RASD2: variants seen among roughly 807,000 people sequenced by gnomAD.
RASD2 encodes GTP-binding protein Rhes.
A neutral mutation model predicts 15.8 loss-of-function variants in RASD2; 7 were observed. The observed-to-expected ratio is 0.44, with a 90% CI of 0.25 to 0.83. The LOEUF (loss-of-function observed/expected upper bound fraction) is 0.83, where lower values mean the gene tolerates loss of function less well. Ranked by LOEUF, RASD2 falls within the 40% of genes least tolerant of loss-of-function variation. The pLI, the probability that RASD2 is intolerant of heterozygous loss-of-function variation, is 0.20. For synonymous variants in RASD2, 155 were observed against 153.6 expected (o/e 1.01, Z -0.07); for missense variants, 274 against 382.8 (o/e 0.72, Z 2.37).
At chr22:35,548,470 C>T (rs565621507) in intron 2 of RASD2, among the ~76,000 whole-genome samples, 3 of 152,208 alleles carry the variant, frequency 2.0e-5, no homozygotes, top group African/African-American at 4.8e-5. Flanking sequence ...TCCCAAGTCA[C>T]GCCCCTGAAG....
rs1159660702 is a variant in RASD2 at position 35,541,426 on chromosome 22, GGCAGCTCCCC to G, written c.-74_-65del. 1 of 152,296 alleles carries G rather than the reference GGCAGCTCCCC, an allele frequency of 6.6e-6. No homozygotes were observed. Among genetic ancestry groups the G allele is most frequent in the African/African-American group, 2.4e-5 (1 of 41,450 alleles). The allele number at this position is 152,296 out of a possible 1,614,324, so 9.4% of individuals were successfully genotyped here. On this transcript the variant is annotated 5_prime_UTR_variant, in exon 1 of 3. Transcript: ENST00000216127. The stretch of plus-strand genomic sequence containing the variant: ...GGGAGGCTCGGCGGCTGGAGCAGCA[GGCAGCTCCCC>G]GCAGCTCCCGGCGCTTCCAGGCAGC...
In RASD2 at chr22:35,541,112, G is replaced by T. The variant is rs1601809550; in HGVS notation, c.-398G>T. The T allele has an allele frequency of 6.6e-6, 1 of 152,140 alleles. No individual in the cohort carries two copies. Among genetic ancestry groups the T allele is most frequent in the Non-Finnish European group, 1.5e-5 (1 of 68,084 alleles). 9.4% of individuals were successfully genotyped at this position (152,140 alleles called of 1,614,324 possible). ...GAGCTGCTCCTTCATCACTGGAGTC[G>T]CCCCTACCTCTCTGCCCCCAGCCCG... On this transcript the variant is annotated 5_prime_UTR_variant, in exon 1 of 3. Coordinates refer to ENST00000216127, the MANE Select transcript of RASD2 (RefSeq NM_014310.4).
upstream of RASD2, among the ~76,000 whole-genome samples, chr22:35,540,486 T>TG (rs988263382): frequency 1.1e-4 from 16 of 149,734 alleles, no homozygotes; most frequent in African/African-American, 1.9e-4. Context: ...GAGCGGGCTC[T>TG]GGGGGGCAGA....
chr22:35,545,519 T>G (rs1384410786), intron 1 of RASD2, among the ~76,000 whole-genome samples: 1 of 152,186 alleles, frequency 6.6e-6, no homozygotes, highest in Non-Finnish European at 1.5e-5. Flanking sequence ...CCTTGTGCAG[T>G]ATCCAACCTG....
chr22:35,552,097 G>A lies in RASD2; in HGVS notation c.*65G>A. ...GGAGGTGGCCCCAGATGCCCACTGT[G>A]CGCATCTCCCCACCGAGGCCCCGGC... On this transcript the variant is annotated 3_prime_UTR_variant, in exon 3 of 3. Transcript: ENST00000216127. 1 of 1,521,476 alleles carries A rather than the reference G, an allele frequency of 6.6e-7. No homozygotes were observed. The highest frequency in any genetic ancestry group is 8.8e-7 in the Non-Finnish European group (1 of 1,133,146). 94.2% of individuals were successfully genotyped at this position (1,521,476 alleles called of 1,614,324 possible).
At chr22:35,542,624 C>T (rs563862190) in intron 1 of RASD2, among the ~76,000 whole-genome samples, 10 of 152,290 alleles carry the variant, frequency 6.6e-5, no homozygotes, top group South Asian at 6.2e-4. Flanking sequence ...TGGCAATGTG[C>T]GTGTCCAAAG....
chr22:35,546,680 G>A (rs538208766), intron 1 of RASD2, 121 bp from the exon 2 acceptor site: 43 of 1,350,180 alleles, frequency 3.2e-5, no homozygotes, highest in South Asian at 2.0e-4. Context: ...TTAGAACCTC[G>A]TCTGATGTTC....
chr22:35,548,669 C>T (rs1258573877), intron 2 of RASD2, among the ~76,000 whole-genome samples: 2 of 152,218 alleles, frequency 1.3e-5, no homozygotes, highest in South Asian at 2.1e-4. Context: ...CTGGCTTTTC[C>T]GAGCATCTGA....
chr22:35,540,295 G>C (rs1156858538), upstream of RASD2, among the ~76,000 whole-genome samples: 2 of 151,574 alleles, frequency 1.3e-5, no homozygotes, highest in Non-Finnish European at 2.9e-5. Context: ...TCCGAGGCCC[G>C]GGCCGCCTTC....
At chr22:35,544,986 C>T (rs1457994625) in intron 1 of RASD2, among the ~76,000 whole-genome samples, 1 of 152,210 alleles carries the variant, frequency 6.6e-6, no homozygotes. Context: ...GCTCAAGTGG[C>T]AGCAGTTGTC....
chr22:35,541,599 A>G (rs1934350194), intron 1 of RASD2, 99 bp downstream of exon 1: 2 of 152,278 alleles, frequency 1.3e-5, no homozygotes, highest in South Asian at 2.1e-4. Flanking sequence ...GATTCCTTAG[A>G]TGACCAGAGA....
At chr22:35,547,434 A>C (rs1177477524) in intron 2 of RASD2, among the ~76,000 whole-genome samples, 1 of 152,200 alleles carries the variant, frequency 6.6e-6, no homozygotes, top group Non-Finnish European at 1.5e-5. Context: ...CCAGGGCCCA[A>C]GGTCAGTCCA....
In RASD2 at chr22:35,551,194, C is replaced by T. The variant is rs1416689992; in HGVS notation, c.272-309C>T. ...CACAGTCCACACAAGTGACCTACCC[C>T]TCTCCAGCCCTGCAAAGAAATGTGA... On this transcript the variant is annotated intron_variant, in intron 2 of 2. Transcript: ENST00000216127. The surrounding 1 kb of genome is among the most constrained non-coding windows in gnomAD (Gnocchi z 4.9). Among the ~76,000 whole-genome samples, 1 of 152,204 alleles carries T rather than the reference C, an allele frequency of 6.6e-6. No individual in the cohort carries two copies. The highest frequency in any genetic ancestry group is 1.9e-4 in the East Asian group (1 of 5,196).
the RASD2 span, among the ~76,000 whole-genome samples, chr22:35,534,579 G>T: frequency 6.6e-6 from 1 of 152,174 alleles, no homozygotes; most frequent in African/African-American, 2.4e-5. Context: ...TCTCCTGGCT[G>T]CCCACTCAGC....
In RASD2 at chr22:35,552,223, TC is replaced by T; in HGVS notation, c.*193del. 1 of 678,264 alleles carries T rather than the reference TC, an allele frequency of 1.5e-6. No homozygotes were observed. Among genetic ancestry groups the T allele is most frequent in the South Asian group, 2.0e-5 (1 of 50,244 alleles). 42.0% of individuals were successfully genotyped at this position (678,264 alleles called of 1,614,324 possible). On this transcript the variant is annotated 3_prime_UTR_variant, in exon 3 of 3. Coordinates refer to ENST00000216127, the MANE Select transcript of RASD2 (RefSeq NM_014310.4). ...CTCACAGCTTTCCTGAGTCCGCTTG[TC>T]CACAGCTCCTTGGTGGTTTCATCTC...
chr22:35,547,871 C>T (rs1934554225), intron 2 of RASD2, among the ~76,000 whole-genome samples: 1 of 152,218 alleles, frequency 6.6e-6, no homozygotes, highest in South Asian at 2.1e-4. Context: ...ACCTCAGCCT[C>T]CCAAAGTGCT....
At position 35,551,917 on chromosome 22, in the gene RASD2, G is replaced by C; in HGVS notation, c.686G>C (p.Gly229Ala). The C allele has an allele frequency of 6.2e-7, 1 of 1,611,274 alleles. No homozygotes were observed. Among genetic ancestry groups the C allele is most frequent in the Non-Finnish European group, 8.5e-7 (1 of 1,180,020 alleles). The change falls in exon 3 of 3, where the codon GGC becomes GCC. Residue 229 changes from glycine (G) to alanine (A), a missense_variant. Transcript: ENST00000216127. This position sits in a 1 kb window ranked among gnomAD's most constrained non-coding sequence, Gnocchi z 4.9. The part of the protein sequence containing the change: ...MRRVKEMDAY[G>A]MVSPFARRPS... The stretch of plus-strand genomic sequence containing the variant: ...CGCGTCAAGGAGATGGACGCCTATG[G>C]CATGGTCTCGCCCTTCGCCCGCCGC...
Position 35,552,174 on chromosome 22 carries a change from G to A in RASD2, c.*142G>A. ...ACCAGACTGGAGGCCCCCGGGCGCTGGCCTCCGCACATTCGTCTGCCTTCT... is the reference window on the plus strand; with the variant it reads ...ACCAGACTGGAGGCCCCCGGGCGCTAGCCTCCGCACATTCGTCTGCCTTCT... On this transcript the variant is annotated 3_prime_UTR_variant, in exon 3 of 3. Coordinates refer to ENST00000216127, the MANE Select transcript of RASD2 (RefSeq NM_014310.4). 9.1e-7 allele frequency: 1 copy of A among 1,096,034 alleles called. No homozygotes were observed. Among genetic ancestry groups the A allele is most frequent in the Non-Finnish European group, 1.3e-6 (1 of 788,340 alleles). The allele number at this position is 1,096,034 out of a possible 1,614,324, so 67.9% of individuals were successfully genotyped here.
At chr22:35,540,277 C>T (rs1934307217), upstream of RASD2, among the ~76,000 whole-genome samples, 1 of 151,826 alleles carries the variant, frequency 6.6e-6, no homozygotes, top group Non-Finnish European at 1.5e-5. Context: ...CGTGCGCAGA[C>T]GTCAGCCTCC....
Sources: allele counts gnomAD v4.1 joint callset (sites outside exome capture counted in the v4.1 genomes callset), GRCh38; gene constraint gnomAD v4.1.1; non-coding constraint Gnocchi (gnomAD v3.1); transcripts MANE v1.5; gene names NCBI Gene and HGNC (gene_info 2026-07-23, HGNC 2026-07-21).